ADGRL2: variants seen among roughly 807,000 people sequenced by gnomAD.
The protein encoded by ADGRL2 is calcium-independent alpha-latrotoxin receptor 2.
A neutral mutation model predicts 157.4 loss-of-function variants in ADGRL2; 44 were observed. The ratio of observed to expected loss-of-function variants is 0.28; its 90% CI spans 0.22 to 0.36. ADGRL2 has a LOEUF of 0.36. Ranked by LOEUF, ADGRL2 falls within the 10% of genes least tolerant of loss-of-function variation. The pLI is 1.00. For synonymous variants in ADGRL2, 585 were observed against 624.7 expected (o/e 0.94, Z 0.95); for missense variants, 1,510 against 1,768.9 (o/e 0.85, Z 2.63).
intron 2 of ADGRL2, among the ~76,000 whole-genome samples, chr1:81,535,150 C>A (rs184978864): frequency 3.9e-5 from 6 of 152,082 alleles, no homozygotes; most frequent in Non-Finnish European, 5.9e-5. Context: ...AGAAAGAGTT[C>A]TTTTCTGAGG....
At chr1:81,538,497 T>A (rs1379417834) in intron 2 of ADGRL2, among the ~76,000 whole-genome samples, 1 of 152,328 alleles carries the variant, frequency 6.6e-6, no homozygotes. Flanking sequence ...TTTACACATG[T>A]AATTTCTGAA....
chr1:81,727,486 G>C (rs1425046045), intron 1 of ADGRL2, among the ~76,000 whole-genome samples: 1 of 152,042 alleles, frequency 6.6e-6, no homozygotes, highest in Non-Finnish European at 1.5e-5. Flanking sequence ...AGGCTGGAGT[G>C]CAGTGGCATG....
At chr1:81,585,153 A>C (rs889003697) in intron 3 of ADGRL2, among the ~76,000 whole-genome samples, 3 of 152,154 alleles carry the variant, frequency 2.0e-5, no homozygotes, top group African/African-American at 4.8e-5. Context: ...TATTGCTACA[A>C]GCTTTTGTTG....
At chr1:81,669,937 C>T (rs1209333643) in intron 3 of ADGRL2, among the ~76,000 whole-genome samples, 9 of 113,382 alleles carry the variant, frequency 7.9e-5, no homozygotes, top group Admixed American at 3.2e-4. Flanking sequence ...AGTGAGACTA[C>T]GTCTCAAAAA....
chr1:81,748,167 G>A (rs2085361451), intron 1 of ADGRL2, among the ~76,000 whole-genome samples: 1 of 151,994 alleles, frequency 6.6e-6, no homozygotes, highest in Non-Finnish European at 1.5e-5. Context: ...GGACTAAAAT[G>A]GTCAATTTTT....
intron 6 of ADGRL2, among the ~76,000 whole-genome samples, chr1:81,944,926 T>C (rs1025922962): frequency 6.6e-6 from 1 of 152,094 alleles, no homozygotes; most frequent in Non-Finnish European, 1.5e-5. Context: ...TGTCATGGAA[T>C]TTCTAATTTG....
chr1:81,928,902 G>GA (rs897856495), intron 3 of ADGRL2, among the ~76,000 whole-genome samples: 53 of 143,552 alleles, frequency 3.7e-4, no homozygotes, highest in African/African-American at 6.2e-4. Flanking sequence ...AGTAACTCAG[G>GA]AAAAAAAAAA....
At chr1:81,909,230 T>C (rs539589469) in intron 3 of ADGRL2, among the ~76,000 whole-genome samples, 2 of 147,570 alleles carry the variant, frequency 1.4e-5, no homozygotes, top group African/African-American at 2.4e-5. Context: ...AATTGAGGGG[T>C]TTTTTTTTAG....
chr1:81,450,816 G>A (rs190489449), intron 2 of ADGRL2, among the ~76,000 whole-genome samples: 200 of 152,200 alleles, frequency 1.3e-3, no homozygotes, highest in Non-Finnish European at 2.3e-3. Flanking sequence ...TTTCTGGAAA[G>A]TAAAGGGAAA....
rs780393998 is a variant in ADGRL2, at chr1:81,907,177, G to T, written c.234G>T (p.Gln78His). Residue 78 changes from glutamine (Q) to histidine (H), a missense_variant, in exon 3 of 24, where the codon CAG becomes CAT. Physicochemically the swap from Gln to His is conservative, Grantham distance 24. Transcript: ENST00000686636. ...DDKICDADPF[Q>H]MENTDCYLPD... Reference sequence around the variant, plus strand: ...AGATTTGTGATGCTGACCCATTTCAGATGGAGAATACAGACTGCTACCTCC... The same window carrying T: ...AGATTTGTGATGCTGACCCATTTCATATGGAGAATACAGACTGCTACCTCC... 3.1e-6 allele frequency: 5 copies of T among 1,614,104 alleles called. No individual in the cohort carries two copies. The highest frequency in any genetic ancestry group is 3.4e-6 in the Non-Finnish European group (4 of 1,180,016).
chr1:81,634,125 G>C (rs908171818), intron 3 of ADGRL2, among the ~76,000 whole-genome samples: 1 of 152,150 alleles, frequency 6.6e-6, no homozygotes, highest in Non-Finnish European at 1.5e-5. Flanking sequence ...TGGTATTCAG[G>C]AAGCCAAGGC....
intron 3 of ADGRL2, among the ~76,000 whole-genome samples, chr1:81,926,830 C>G (rs528936162): frequency 7.9e-5 from 12 of 152,020 alleles, no homozygotes; most frequent in African/African-American, 2.4e-4. Context: ...TGCATTTCTG[C>G]AAACAACAGA....
chr1:81,590,615 A>G (rs1570584904), intron 3 of ADGRL2, among the ~76,000 whole-genome samples: 1 of 152,192 alleles, frequency 6.6e-6, no homozygotes, highest in Non-Finnish European at 1.5e-5. Flanking sequence ...CTGATCAGCA[A>G]ATTCTTCATC....
intron 2 of ADGRL2, among the ~76,000 whole-genome samples, chr1:81,559,824 C>T (rs191295310): frequency 1.4e-4 from 22 of 152,224 alleles, no homozygotes; most frequent in South Asian, 2.1e-4. Context: ...GTACCTCACA[C>T]GGCCACCACA....
chr1:81,796,306 C>T (rs2087583675), upstream of ADGRL2, among the ~76,000 whole-genome samples: 1 of 152,044 alleles, frequency 6.6e-6, no homozygotes, highest in African/African-American at 2.4e-5. Flanking sequence ...TTTTTTTAAA[C>T]CACGTACTGT....
intron 1 of ADGRL2, among the ~76,000 whole-genome samples, chr1:81,354,015 A>G (rs6674409): frequency 0.95 from 145,387 of 152,238 alleles, 69,807 homozygotes; most frequent in East Asian, 1. Context: ...AAACTGAAGG[A>G]CTGAAAAGGG....
intron 1 of ADGRL2, among the ~76,000 whole-genome samples, chr1:81,409,099 A>G (rs1186429822): frequency 1.3e-5 from 2 of 152,160 alleles, no homozygotes; most frequent in Non-Finnish European, 2.9e-5. Flanking sequence ...TGTCTTATCT[A>G]TTGTTAGGTA....
At chr1:81,503,126 G>T (rs752274533) in intron 2 of ADGRL2, 7 of 1,613,392 alleles carry the variant, frequency 4.3e-6, no homozygotes, top group African/African-American at 4.0e-5. Flanking sequence ...GAGGAGCAGC[G>T]CCTGGTGCAG....
At chr1:81,573,158 A>C (rs926429563) in intron 2 of ADGRL2, among the ~76,000 whole-genome samples, 6 of 151,990 alleles carry the variant, frequency 3.9e-5, no homozygotes, top group Admixed American at 3.3e-4. Flanking sequence ...TTTTTAAAGA[A>C]GCATTTCCCT....
Sources: allele counts gnomAD v4.1 joint callset (sites outside exome capture counted in the v4.1 genomes callset), GRCh38; gene constraint gnomAD v4.1.1; transcripts MANE v1.5; gene names NCBI Gene and HGNC (gene_info 2026-07-23, HGNC 2026-07-21).